The following MLXIPL variants were observed in gnomAD, a reference collection of about 807,000 sequenced individuals.
The protein encoded by MLXIPL is MLX interacting protein like.
In MLXIPL, 49 loss-of-function variants were observed where a neutral mutation model predicts 81.5. The observed-to-expected ratio is 0.60, with a 90% CI of 0.48 to 0.76. The LOEUF is 0.76. Ranked by LOEUF, MLXIPL falls within the 30% of genes least tolerant of loss-of-function variation. The pLI is 0.00. For synonymous variants in MLXIPL, 466 were observed against 485.5 expected, an observed-to-expected ratio of 0.96 and a Z score of 0.53; for missense variants, 1,053 against 1,167.0, an observed-to-expected ratio of 0.90 and a Z score of 1.42.
intron 7 of MLXIPL, among the ~76,000 whole-genome samples, chr7:73,603,051 C>A (rs1430182866): frequency 6.6e-6 from 1 of 152,206 alleles, no homozygotes; most frequent in Non-Finnish European, 1.5e-5. Flanking sequence ...GACCTGTCAT[C>A]CCCTCCCTGA....
Position 73,624,382 on chromosome 7 carries a change from G to C in MLXIPL, c.111C>G (p.Ser37Arg). 1 of 1,570,570 alleles carries C rather than the reference G, an allele frequency of 6.4e-7. No individual in the cohort carries two copies. The highest frequency in any genetic ancestry group is 8.6e-7 in the Non-Finnish European group (1 of 1,163,336). Residue 37 changes from serine (S) to arginine (R), a missense_variant, in exon 1 of 17, where the codon AGC (serine) becomes AGG (arginine). Ser to Arg is a moderately radical substitution (Grantham distance 110). Transcript: ENST00000313375. ...TDSEDPSLRR[S>R]AGGLLRSQVI... Reference sequence around the variant, plus strand: ...CCTGCGAGCGGAGCAAGCCGCCCGCGCTGCGCCGGAGACTCGGGTCCTCCG... The same window carrying C: ...CCTGCGAGCGGAGCAAGCCGCCCGCCCTGCGCCGGAGACTCGGGTCCTCCG...
chr7:73,620,778 C>G (rs1323364099), intron 1 of MLXIPL, among the ~76,000 whole-genome samples: 1 of 148,230 alleles, frequency 6.7e-6, no homozygotes, highest in Non-Finnish European at 1.5e-5. Context: ...AGGCAGGACA[C>G]GATGGCTCAT....
chr7:73,599,476 A>G lies in MLXIPL; in HGVS notation c.1071+50T>C, dbSNP rs782639054. The G allele has an allele frequency of 3.1e-6, 5 of 1,599,624 alleles. No individual in the cohort carries two copies. In the South Asian group the frequency reaches 5.5e-5, roughly 18 times the overall value. ...CCTCCTGGACATGAACAGGGCAGGA[A>G]CAGCTCTCAAGTGAGCTACACAGGG... On this transcript the variant is annotated intron_variant, in intron 8 of 16. Coordinates refer to ENST00000313375, the MANE Select transcript of MLXIPL (RefSeq NM_032951.3).
rs782544976 is a variant in MLXIPL at position 73,595,617 on chromosome 7, ATGG to A, written c.2310+17_2310+19del. 3.7e-6 allele frequency: 6 copies of A among 1,614,082 alleles called. No homozygotes were observed. In the African/African-American group the frequency reaches 6.7e-5, roughly 18 times the overall value. ...CCACAGCCCCTGCAGCCCCCCAGCC[ATGG>A]GCTTGAGGGAGGATACCACCCAGAA... On this transcript the variant is annotated intron_variant, in intron 15 of 16. Transcript: ENST00000313375.
In MLXIPL at chr7:73,623,686, C is replaced by T. The variant is rs1044426411; in HGVS notation, c.293+514G>A. ...GTGAGAGTGGGCCAGTTCCAGTCCA[C>T]TTTGGTTATGAACTGGGACAATCAG... On this transcript the variant is annotated intron_variant, in intron 1 of 16. Transcript: ENST00000313375. This position sits in a 1 kb window ranked among gnomAD's most constrained non-coding sequence, Gnocchi z 5.7. 6.6e-5 allele frequency among the ~76,000 whole-genome samples: 10 copies of T among 152,168 alleles called. No homozygotes were observed. The highest frequency in any genetic ancestry group is 2.4e-4 in the African/African-American group (10 of 41,444).
chr7:73,614,960 G>A (rs1315532036), intron 2 of MLXIPL, among the ~76,000 whole-genome samples: 2 of 151,992 alleles, frequency 1.3e-5, no homozygotes, highest in Admixed American at 1.3e-4. Flanking sequence ...ACAGGCACCC[G>A]CCACCACGCC....
chr7:73,602,051 C>T (rs1270691599), intron 7 of MLXIPL, among the ~76,000 whole-genome samples: 2 of 151,582 alleles, frequency 1.3e-5, no homozygotes, highest in Non-Finnish European at 2.9e-5. Context: ...CATGGCAAAA[C>T]GGTGTCTTCT....
the MLXIPL span, among the ~76,000 whole-genome samples, chr7:73,630,731 A>G: frequency 5.3e-5 from 8 of 152,200 alleles, no homozygotes; most frequent in Non-Finnish European, 1.2e-4. Context: ...CTCAAACTCA[A>G]AGGGCTGGCC....
chr7:73,627,614 C>T (rs1479392919), upstream of MLXIPL, among the ~76,000 whole-genome samples: 1 of 152,112 alleles, frequency 6.6e-6, no homozygotes, highest in Non-Finnish European at 1.5e-5. Flanking sequence ...ATTACTTACC[C>T]CTATATGCCT....
At chr7:73,604,188 C>T (rs1795101712) in intron 7 of MLXIPL, among the ~76,000 whole-genome samples, 1 of 114,418 alleles carries the variant, frequency 8.7e-6, no homozygotes. Flanking sequence ...TGCATTCCAA[C>T]CTGGGTGACA....
Position 73,624,456 on chromosome 7 carries a change from G to C in MLXIPL, c.37C>G (p.Gln13Glu), listed in dbSNP as rs1554603178. Residue 13 changes from glutamine to glutamate, a missense_variant, in exon 1 of 17, where the codon CAG becomes GAG. Physicochemically the swap from Gln to Glu is conservative, Grantham distance 29 (BLOSUM62 2). Coordinates refer to ENST00000313375, the MANE Select transcript of MLXIPL (RefSeq NM_032951.3). ...GGGCTGGGCGCGACCCGCGGGACCT[G>C]CAAGCCCGCGGCCAGACCTGCCAGC... is the stretch of plus-strand genomic sequence containing the variant. ...GALAGLAAGL[Q>E]VPRVAPSPDS... 6.5e-7 allele frequency: 1 copy of C among 1,549,294 alleles called. No individual in the cohort carries two copies.
intron 7 of MLXIPL, among the ~76,000 whole-genome samples, chr7:73,600,733 C>A (rs1390496503): frequency 7.7e-5 from 1 of 12,944 alleles, no homozygotes; most frequent in South Asian, 1.4e-3. Context: ...GGGGTGGGGG[C>A]GAGAGGGGCC....
intron 8 of MLXIPL, 107 bp downstream of exon 8, chr7:73,599,419 C>G: frequency 7.2e-7 from 1 of 1,387,366 alleles, no homozygotes; most frequent in South Asian, 1.2e-5. Flanking sequence ...AATCTCCAAG[C>G]AGAAGACTGG....
chr7:73,615,384 G>A (rs141494046), intron 2 of MLXIPL, among the ~76,000 whole-genome samples: 274 of 152,280 alleles, frequency 1.8e-3, no homozygotes, highest in African/African-American at 6.2e-3. Flanking sequence ...AGTTGGCCCC[G>A]CTAGTGTCTA....
rs1794625260 is a variant in MLXIPL at position 73,599,624 on chromosome 7, G to A, written c.973C>T (p.Pro325Ser). ...SNFPEPPSFS[P>S]VVDSLFSSGT... is the part of the protein sequence containing the mutation. ...CTGCTGAAGAGGGAGTCAACCACGG[G>A]GCTGAAGCTGGGGGGCTCTGGGAAG... The change falls in exon 8 of 17, where the codon CCC becomes TCC. Residue 325 changes from proline to serine, a missense_variant. Pro to Ser is a moderately conservative substitution (Grantham distance 74, BLOSUM62 -1). Around this residue, in one of 3 missense-constraint regions of MLXIPL, gnomAD observed 823 missense variants for 933.0 expected, o/e 0.88. Coordinates refer to ENST00000313375, the MANE Select transcript of MLXIPL (RefSeq NM_032951.3). 4 of 1,610,910 alleles carry A rather than the reference G, an allele frequency of 2.5e-6. No individual in the cohort carries two copies. In the East Asian group the frequency reaches 8.9e-5, roughly 36 times the overall value.
chr7:73,606,020 G>T lies in MLXIPL; in HGVS notation c.710C>A (p.Pro237Gln). The T allele has an allele frequency of 6.3e-7, 1 of 1,588,134 alleles. No homozygotes were observed. Among genetic ancestry groups the T allele is most frequent in the Non-Finnish European group, 8.6e-7 (1 of 1,167,128 alleles). The change falls in exon 6 of 17, where the codon CCG becomes CAG. Residue 237 changes from proline to glutamine, a missense_variant. By Grantham distance (76) the Pro-to-Gln change is moderately conservative. This residue lies in a region of MLXIPL where 823 missense variants were observed against 933.0 expected (regional missense o/e 0.88). Coordinates refer to ENST00000313375, the MANE Select transcript of MLXIPL (RefSeq NM_032951.3). ...PVLLGDPEEE[P>Q]GGRQLLDLNC... is the part of the protein sequence containing the mutation. ...GAGGTCCAGGAGCTGCCGCCCACCC[G>T]GCTCCTCCTCTGGGTCCCCCAGCAG...
At position 73,599,633 on chromosome 7, in the gene MLXIPL, T is replaced by A; in HGVS notation, c.964A>T (p.Ser322Cys). 1 of 1,609,254 alleles carries A rather than the reference T, an allele frequency of 6.2e-7. No individual in the cohort carries two copies. Among genetic ancestry groups the A allele is most frequent in the Non-Finnish European group, 8.5e-7 (1 of 1,177,410 alleles). Residue 322 changes from serine to cysteine, a missense_variant, in exon 8 of 17, where the codon AGC (serine) becomes TGC (cysteine). Physicochemically the swap from Ser to Cys is moderately radical, Grantham distance 112. Coordinates refer to ENST00000313375, the MANE Select transcript of MLXIPL (RefSeq NM_032951.3). The stretch of plus-strand genomic sequence containing the variant: ...AGGGAGTCAACCACGGGGCTGAAGC[T>A]GGGGGGCTCTGGGAAGTTTGAAGGC... ...PMPSNFPEPPSFSPVVDSLFS... is the reference protein window; with the variant it reads ...PMPSNFPEPPCFSPVVDSLFS...
chr7:73,629,765 T>C, the MLXIPL span, among the ~76,000 whole-genome samples: 4 of 152,080 alleles, frequency 2.6e-5, no homozygotes, highest in Non-Finnish European at 5.9e-5. Context: ...TTCCATTTAC[T>C]AGTGAGCCTG....
In MLXIPL at chr7:73,597,211, T is replaced by A; in HGVS notation, c.1574A>T (p.Asn525Ile). 6.3e-7 allele frequency: 1 copy of A among 1,592,680 alleles called. No homozygotes were observed. Among genetic ancestry groups the A allele is most frequent in the Non-Finnish European group, 8.5e-7 (1 of 1,171,788 alleles). Reference protein sequence around the residue: ...ASPPTTAGSNNPCLTQLLTAA... With the variant: ...ASPPTTAGSNIPCLTQLLTAA... ...TGTGAGCAGCTGTGTGAGGCAGGGG[T>A]TGTTGCTCCCCGCAGTGGTGGGGGG... Residue 525 changes from asparagine (N) to isoleucine (I), a missense_variant, in exon 9 of 17, where the codon AAC becomes ATC. This residue lies in a region of MLXIPL where 823 missense variants were observed against 933.0 expected (regional missense o/e 0.88). Coordinates refer to ENST00000313375, the MANE Select transcript of MLXIPL (RefSeq NM_032951.3).
Sources: gnomAD v4.1 joint callset for allele counts (sites outside exome capture counted in the v4.1 genomes callset) on GRCh38, gnomAD v4.1.1 for gene constraint, gnomAD v4.1.1 regional missense constraint, Gnocchi (gnomAD v3.1) non-coding constraint, MANE v1.5 for transcripts, NCBI Gene and HGNC (gene_info 2026-07-23, HGNC 2026-07-21) for gene names.